The following EPHA4 variants were observed in gnomAD, a reference collection of about 807,000 sequenced individuals.
EPHA4 encodes the protein EPH receptor A4, also known as ephrin type-A receptor 4.
EPHA4 carries 19 observed loss-of-function variants against 108.3 expected under a neutral mutation model. The observed-to-expected ratio is 0.18, with a 90% confidence interval of 0.12 to 0.26. EPHA4 has a LOEUF of 0.26. EPHA4 is among the 10% of genes least tolerant of loss of function. The pLI is 1.00. For synonymous variants in EPHA4, 449 were observed against 455.5 expected (o/e 0.99, Z 0.18); for missense variants, 917 against 1,254.0 (o/e 0.73, Z 4.06).
At chr2:221,456,438 C>T (rs1681321305) in intron 7 of EPHA4, among the ~76,000 whole-genome samples, 175 bp downstream of exon 7, 1 of 152,188 alleles carries the variant, frequency 6.6e-6, no homozygotes, top group Non-Finnish European at 1.5e-5. Flanking sequence ...CTCTAAATCA[C>T]ATGAAGTTTT....
At chr2:221,546,341 G>T (rs1454965566) in intron 3 of EPHA4, among the ~76,000 whole-genome samples, 10 of 152,168 alleles carry the variant, frequency 6.6e-5, no homozygotes, top group Non-Finnish European at 1.5e-4. Context: ...GGCTGCCCAT[G>T]TGTTTTCTGA....
chr2:221,438,177 ACC>A (rs1234155020), intron 11 of EPHA4, among the ~76,000 whole-genome samples: 1 of 150,476 alleles, frequency 6.6e-6, no homozygotes, highest in African/African-American at 2.5e-5. Context: ...CATTCCCCCT[ACC>A]TATTTTTTTT....
intron 3 of EPHA4, among the ~76,000 whole-genome samples, chr2:221,510,412 T>A (rs1340335960): frequency 6.6e-6 from 1 of 152,218 alleles, no homozygotes; most frequent in Non-Finnish European, 1.5e-5. Context: ...CTAATTCAGA[T>A]CATCTCCTCT....
At chr2:221,500,698 C>T (rs1442677487) in intron 4 of EPHA4, among the ~76,000 whole-genome samples, 1 of 152,150 alleles carries the variant, frequency 6.6e-6, no homozygotes, top group Non-Finnish European at 1.5e-5. Flanking sequence ...TCAAGCTTCC[C>T]TGAGTCCTCA....
At chr2:221,447,481 C>A (rs1019165527) in intron 8 of EPHA4, among the ~76,000 whole-genome samples, 2 of 152,266 alleles carry the variant, frequency 1.3e-5, no homozygotes, top group Admixed American at 1.3e-4. Flanking sequence ...AGAGAGGCAG[C>A]GGATCCCGGT....
At chr2:221,549,617 C>G (rs541172701) in intron 3 of EPHA4, among the ~76,000 whole-genome samples, 1 of 152,202 alleles carries the variant, frequency 6.6e-6, no homozygotes, top group Non-Finnish European at 1.5e-5. Context: ...AAGAGTAGCT[C>G]TACCATGCCT....
intron 5 of EPHA4, among the ~76,000 whole-genome samples, chr2:221,459,754 T>A (rs1691081878): frequency 6.6e-6 from 1 of 152,168 alleles, no homozygotes; most frequent in African/African-American, 2.4e-5. Flanking sequence ...CCACTTAGCA[T>A]ACACTCCATA....
chr2:221,482,976 C>T (rs1215043999), intron 4 of EPHA4, among the ~76,000 whole-genome samples: 1 of 152,202 alleles, frequency 6.6e-6, no homozygotes, highest in Non-Finnish European at 1.5e-5. Flanking sequence ...CAGGCTTTCC[C>T]TATGAAGTGG....
intron 4 of EPHA4, 135 bp from the exon 5 acceptor site, chr2:221,482,825 G>A (rs1691865214): frequency 2.8e-6 from 2 of 717,706 alleles, no homozygotes; most frequent in South Asian, 2.1e-5. Flanking sequence ...AGCAAATCAA[G>A]CCAGCATAAA....
intron 5 of EPHA4, among the ~76,000 whole-genome samples, chr2:221,478,032 C>T (rs748583974): frequency 2.6e-5 from 4 of 151,884 alleles, no homozygotes; most frequent in Non-Finnish European, 4.4e-5. Context: ...TGGACAACAC[C>T]GGCCCTGGGT....
chr2:221,532,596 C>A (rs1280803720), intron 3 of EPHA4: 1 of 152,212 alleles, frequency 6.6e-6, no homozygotes, highest in African/African-American at 2.4e-5. Flanking sequence ...AAGGAACCAA[C>A]ATTTTAGAAC....
At chr2:221,562,275 A>G (rs1694492314) in intron 3 of EPHA4, among the ~76,000 whole-genome samples, 1 of 151,220 alleles carries the variant, frequency 6.6e-6, no homozygotes, top group Admixed American at 6.6e-5. Flanking sequence ...TCTATTTACC[A>G]CAAAATGAAA....
chr2:221,513,999 T>C (rs961962829), intron 3 of EPHA4, among the ~76,000 whole-genome samples: 2 of 151,906 alleles, frequency 1.3e-5, no homozygotes, highest in African/African-American at 4.8e-5. Flanking sequence ...AAGCTTGGGA[T>C]AACAGACGAT....
chr2:221,512,183 T>C (rs974339728), intron 3 of EPHA4, among the ~76,000 whole-genome samples: 1 of 152,166 alleles, frequency 6.6e-6, no homozygotes, highest in African/African-American at 2.4e-5. Context: ...GTTTGCCTAA[T>C]ATGCTGAAGT....
In EPHA4 at chr2:221,457,997, GA is replaced by G. The variant is rs752402880; in HGVS notation, c.1319-8del. ...AAAGCAATGGATGATGGTGCTGTTA[GA>G]AAAAAACAAAAGACAAAAGATATTT... On this transcript the variant is annotated splice_polypyrimidine_tract_variant and splice_region_variant and intron_variant, in intron 5 of 17. Transcript: ENST00000281821. 14 of 1,600,292 alleles carry G rather than the reference GA, an allele frequency of 8.7e-6. No individual in the cohort carries two copies. Among genetic ancestry groups the G allele is most frequent in the South Asian group, 2.3e-5 (2 of 87,574 alleles).
At chr2:221,473,630 T>A (rs552629574) in intron 5 of EPHA4, among the ~76,000 whole-genome samples, 1 of 151,130 alleles carries the variant, frequency 6.6e-6, no homozygotes, top group South Asian at 2.1e-4. Context: ...TTTCTCTGGA[T>A]CTTTTCATTG....
chr2:221,432,118 A>C (rs971776573), intron 14 of EPHA4, among the ~76,000 whole-genome samples: 1 of 141,656 alleles, frequency 7.1e-6, no homozygotes, highest in African/African-American at 2.9e-5. Context: ...TTCTTTATAT[A>C]TATATATTGT....
chr2:221,492,451 C>G (rs1447167702), intron 4 of EPHA4, among the ~76,000 whole-genome samples: 1 of 152,100 alleles, frequency 6.6e-6, no homozygotes, highest in African/African-American at 2.4e-5. Context: ...AACCAAATGG[C>G]AAATGATCAG....
rs890721348 is a variant in EPHA4, at chr2:221,426,013, T to C, written c.*15A>G. 1.1e-5 allele frequency: 18 copies of C among 1,610,544 alleles called. No homozygotes were observed. The highest frequency in any genetic ancestry group is 1.5e-5 in the Non-Finnish European group (18 of 1,177,092). ...TAAACTAATTTCAAGAGTTTTGAGT[T>C]TATTCAGTACTGGCTCAGACGGGAA... On this transcript the variant is annotated 3_prime_UTR_variant, in exon 17 of 18. Transcript: ENST00000281821.
Sources: gnomAD v4.1 joint callset for allele counts (sites outside exome capture counted in the v4.1 genomes callset) on GRCh38, gnomAD v4.1.1 for gene constraint, MANE v1.5 for transcripts, NCBI Gene and HGNC (gene_info 2026-07-23, HGNC 2026-07-21) for gene names.